Variants in RBM47 observed in about 807,000 individuals in gnomAD.
RBM47 encodes RNA-binding protein 47.
Under a neutral mutation model 47.1 loss-of-function variants are expected in RBM47, and 21 were observed. The ratio of observed to expected loss-of-function variants is 0.45; its 90% CI spans 0.32 to 0.64. The LOEUF (loss-of-function observed/expected upper bound fraction) is 0.64, where lower values mean the gene tolerates loss of function less well. Among genes scored for constraint, RBM47 ranks in the 30% least tolerant of loss-of-function variants. The pLI is 0.05. For missense variants in RBM47, 708 were observed against 870.9 expected (o/e 0.81, Z 2.35); for synonymous variants, 375 against 361.7 (o/e 1.04, Z -0.42).
chr4:40,593,553 T>C (rs1734459640), intron 1 of RBM47, among the ~76,000 whole-genome samples: 2 of 151,846 alleles, frequency 1.3e-5, no homozygotes, highest in South Asian at 2.1e-4. Flanking sequence ...CTGACCAACA[T>C]GGTGAAAGCC....
At chr4:40,533,992 T>C (rs1024515173) in intron 2 of RBM47, among the ~76,000 whole-genome samples, 1 of 152,020 alleles carries the variant, frequency 6.6e-6, no homozygotes, top group Non-Finnish European at 1.5e-5. Flanking sequence ...ATTCTGTATT[T>C]TTAGTAGAGA....
At chr4:40,618,252 GAAAAT>G (rs1560508447) in intron 1 of RBM47, among the ~76,000 whole-genome samples, 5 of 150,970 alleles carry the variant, frequency 3.3e-5, no homozygotes, top group African/African-American at 9.7e-5. Flanking sequence ...AAAGAAAAAA[GAAAAT>G]AAAAGAAAAG....
chr4:40,527,464 AT>A (rs1726859249), intron 2 of RBM47, among the ~76,000 whole-genome samples: 1 of 71,938 alleles, frequency 1.4e-5, no homozygotes, highest in Admixed American at 1.6e-4. Context: ...TTTTTTTTGT[AT>A]TTTTTAGTAG....
intron 2 of RBM47, among the ~76,000 whole-genome samples, chr4:40,473,498 G>T (rs905440597): frequency 6.6e-6 from 1 of 152,174 alleles, no homozygotes; most frequent in African/African-American, 2.4e-5. Flanking sequence ...GCAAATTCAT[G>T]AATTGTTAAG....
intron 1 of RBM47, among the ~76,000 whole-genome samples, chr4:40,580,098 C>T (rs1732740127): frequency 6.6e-6 from 1 of 152,018 alleles, no homozygotes; most frequent in Admixed American, 6.6e-5. Flanking sequence ...GTCTAAGTTC[C>T]AACATGCCAA....
At chr4:40,507,111 C>G (rs1288621247) in intron 2 of RBM47, among the ~76,000 whole-genome samples, 1 of 152,018 alleles carries the variant, frequency 6.6e-6, no homozygotes, top group Non-Finnish European at 1.5e-5. Flanking sequence ...CATGCGCCAC[C>G]ACATCTGACA....
intron 1 of RBM47, among the ~76,000 whole-genome samples, chr4:40,547,264 T>C (rs1729124720): frequency 6.6e-6 from 1 of 152,180 alleles, no homozygotes; most frequent in Non-Finnish European, 1.5e-5. Context: ...TATCTCACAA[T>C]GTGACTATAT....
intron 3 of RBM47, among the ~76,000 whole-genome samples, chr4:40,462,215 C>T (rs1422224544): frequency 6.6e-6 from 1 of 152,146 alleles, no homozygotes; most frequent in Non-Finnish European, 1.5e-5. Flanking sequence ...TCTAGACAGG[C>T]TTCACATTTT....
chr4:40,593,103 TCCTGCCTCAGCCTC>T (rs1193830835), intron 1 of RBM47, among the ~76,000 whole-genome samples: 1 of 141,640 alleles, frequency 7.1e-6, no homozygotes, highest in African/African-American at 2.6e-5. Context: ...CACGCCATTC[TCCTGCCTCAGCCTC>T]CCGAGTAGCT....
chr4:40,498,088 A>ATATATATATATATTTAT (rs1451337894), intron 2 of RBM47, among the ~76,000 whole-genome samples: 1 of 138,736 alleles, frequency 7.2e-6, no homozygotes, highest in Non-Finnish European at 1.6e-5. Flanking sequence ...ATGTTTATCT[A>ATATATATATATATTTAT]ATTCCAGAAA....
rs190766687 is a variant in RBM47, at chr4:40,512,614, C to A, written c.-155+31808G>T. ...CCAGTAATCCCAGCTACTTGGGAGG[C>A]TGAGGTGGGAGAATCACTTGAACCC... On this transcript the variant is annotated intron_variant, in intron 2 of 6. Transcript: ENST00000295971. Among the ~76,000 whole-genome samples the A allele has an allele frequency of 4.8e-3, 711 of 149,004 alleles. 5 individuals carry two copies. The highest frequency in any genetic ancestry group is 0.017 in the African/African-American group (677 of 40,380).
chr4:40,434,005 GTGTGTGTGT>G lies in RBM47; in HGVS notation c.1331-1152_1331-1144del, dbSNP rs1711851085. Among the ~76,000 whole-genome samples the G allele has an allele frequency of 3.9e-4, 26 of 66,022 alleles. 3 individuals are homozygous for G. Among genetic ancestry groups the G allele is most frequent in the African/African-American group, 1.0e-3 (15 of 14,502 alleles). 43.3% of individuals were successfully genotyped at this position (66,022 alleles called of 152,430 possible). A position where few individuals can be genotyped will look rare whatever the true frequency, so the allele number is the denominator to read the frequency against. On this transcript the variant is annotated intron_variant, in intron 5 of 6. Coordinates refer to ENST00000295971, the MANE Select transcript of RBM47 (RefSeq NM_001098634.2). ...GAGTGTGTGTGTGTGGGGCGGGGGT[GTGTGTGTGT>G]GTGTGTGTGTGTGTGTGTGTGTGTG...
At chr4:40,434,235 T>C (rs1711916743) in intron 5 of RBM47, among the ~76,000 whole-genome samples, 1 of 152,160 alleles carries the variant, frequency 6.6e-6, no homozygotes, top group Non-Finnish European at 1.5e-5. Flanking sequence ...TTTACCTGCC[T>C]TTCCAACCAT....
chr4:40,508,872 T>C (rs1330564877), intron 2 of RBM47, among the ~76,000 whole-genome samples: 1 of 152,200 alleles, frequency 6.6e-6, no homozygotes, highest in Non-Finnish European at 1.5e-5. Flanking sequence ...TAAAATAATA[T>C]GTTTTCGGCC....
intron 1 of RBM47, among the ~76,000 whole-genome samples, chr4:40,600,100 T>C (rs1735108087): frequency 6.6e-6 from 1 of 152,068 alleles, no homozygotes; most frequent in East Asian, 1.9e-4. Flanking sequence ...CTTGACCTCC[T>C]GGGCTCAAAG....
At chr4:40,526,863 T>C (rs1726771968) in intron 2 of RBM47, among the ~76,000 whole-genome samples, 1 of 119,818 alleles carries the variant, frequency 8.3e-6, no homozygotes, top group South Asian at 2.9e-4. Flanking sequence ...GGGCCACACA[T>C]AAACAGACAA....
chr4:40,437,090 A>AAAAAAAAAAAAT (rs1256296949), intron 4 of RBM47, among the ~76,000 whole-genome samples: 1 of 49,850 alleles, frequency 2.0e-5, no homozygotes, highest in African/African-American at 1.1e-4. Context: ...AAAAAAAAAA[A>AAAAAAAAAAAAT]ATATATATAT....
rs185363754 is a variant in RBM47, at chr4:40,606,249, T to C, written c.-240+23147A>G. On this transcript the variant is annotated intron_variant, in intron 1 of 6. Coordinates refer to ENST00000295971, the MANE Select transcript of RBM47 (RefSeq NM_001098634.2). ...AAAGAAAAAGAAAAATATTAAATGATGATGTAGGTGATATATAGATATGGG... is the reference window on the plus strand; with the variant it reads ...AAAGAAAAAGAAAAATATTAAATGACGATGTAGGTGATATATAGATATGGG... Among the ~76,000 whole-genome samples the C allele has an allele frequency of 2.7e-5, 4 of 146,722 alleles. No individual in the cohort carries two copies. In the East Asian group the frequency reaches 5.9e-4, roughly 22 times the overall value.
chr4:40,569,632 A>G (rs1398818600), intron 1 of RBM47, among the ~76,000 whole-genome samples: 1 of 151,570 alleles, frequency 6.6e-6, no homozygotes, highest in Non-Finnish European at 1.5e-5. Context: ...GACGGTCTCT[A>G]TCTCCTGACC....
Sources: gnomAD v4.1 joint callset for allele counts (sites outside exome capture counted in the v4.1 genomes callset) on GRCh38, gnomAD v4.1.1 for gene constraint, MANE v1.5 for transcripts, NCBI Gene and HGNC (gene_info 2026-07-23, HGNC 2026-07-21) for gene names.